The following PRKCB variants were observed in gnomAD, a reference collection of about 807,000 sequenced individuals.
The protein encoded by PRKCB is protein kinase C beta type.
A neutral mutation model predicts 81.5 loss-of-function variants in PRKCB; 13 were observed. The ratio of observed to expected loss-of-function variants is 0.16; its 90% CI spans 0.10 to 0.25. The LOEUF (loss-of-function observed/expected upper bound fraction) is 0.25. Among genes scored for constraint, PRKCB ranks in the 10% least tolerant of loss-of-function variants. The probability of loss-of-function intolerance (pLI) is 1.00; values close to 1 mark genes in which losing one functional copy is unlikely to be tolerated. For missense variants in PRKCB, 509 were observed against 875.7 expected (o/e 0.58, Z 5.29); for synonymous variants, 335 against 321.4 (o/e 1.04, Z -0.45).
intron 3 of PRKCB, among the ~76,000 whole-genome samples, chr16:24,019,995 G>A (rs933756510): frequency 1.3e-5 from 2 of 151,944 alleles, no homozygotes; most frequent in Admixed American, 1.3e-4. Flanking sequence ...TTTTACCTTC[G>A]TCCAACGTGA....
At chr16:24,026,164 A>G (rs1156386596) in intron 3 of PRKCB, among the ~76,000 whole-genome samples, 1 of 152,160 alleles carries the variant, frequency 6.6e-6, no homozygotes, top group East Asian at 1.9e-4. Context: ...GGCATATGGC[A>G]TGTGCCTTCA....
chr16:24,095,348 C>G (rs748379231), intron 7 of PRKCB, among the ~76,000 whole-genome samples: 1 of 152,040 alleles, frequency 6.6e-6, no homozygotes, highest in African/African-American at 2.4e-5. Context: ...GGAATGGGTG[C>G]TGCTGACTGG....
intron 2 of PRKCB, among the ~76,000 whole-genome samples, chr16:23,856,963 G>A (rs1022908778): frequency 1.3e-5 from 2 of 152,088 alleles, no homozygotes; most frequent in Non-Finnish European, 2.9e-5. Context: ...GGCTCTGGGG[G>A]CTCATGAACT....
chr16:24,118,511 A>G (rs372347492), intron 8 of PRKCB, among the ~76,000 whole-genome samples: 6 of 152,170 alleles, frequency 3.9e-5, no homozygotes, highest in South Asian at 2.1e-4. Context: ...GAGTGCCTGT[A>G]GTAGTTCCTT....
chr16:23,972,867 G>A (rs147551150), intron 2 of PRKCB, among the ~76,000 whole-genome samples: 107 of 152,282 alleles, frequency 7.0e-4, no homozygotes, highest in African/African-American at 2.1e-3. Context: ...CTGATTTAAT[G>A]GAGTTAACAG....
chr16:24,135,923 T>C (rs1596563937), intron 9 of PRKCB, among the ~76,000 whole-genome samples: 1 of 152,322 alleles, frequency 6.6e-6, no homozygotes, highest in East Asian at 1.9e-4. Flanking sequence ...CACAGATAGC[T>C]CAAAGTGTTT....
intron 13 of PRKCB, among the ~76,000 whole-genome samples, chr16:24,182,157 G>A (rs910986985): frequency 2.0e-5 from 3 of 152,038 alleles, no homozygotes; most frequent in Non-Finnish European, 4.4e-5. Flanking sequence ...TTCCTGATAG[G>A]CCAGGGGTTC....
At chr16:24,085,293 AC>A (rs2141895502) in intron 5 of PRKCB, among the ~76,000 whole-genome samples, 1 of 152,278 alleles carries the variant, frequency 6.6e-6, no homozygotes, top group East Asian at 1.9e-4. Context: ...AATGGATGAT[AC>A]GTTTGACTTC....
At chr16:23,912,085 G>T (rs148581791) in intron 2 of PRKCB, among the ~76,000 whole-genome samples, 4 of 151,904 alleles carry the variant, frequency 2.6e-5, no homozygotes, top group African/African-American at 9.7e-5. Flanking sequence ...ACCCACCTCC[G>T]CCTCCCAAAG....
chr16:24,043,627 C>T (rs1291408105), intron 5 of PRKCB, among the ~76,000 whole-genome samples: 1 of 152,100 alleles, frequency 6.6e-6, no homozygotes, highest in Admixed American at 6.6e-5. Context: ...GGATACTGGA[C>T]CTAAGGAGAT....
At chr16:24,152,684 G>A (rs1360489604) in intron 9 of PRKCB, among the ~76,000 whole-genome samples, 1 of 152,142 alleles carries the variant, frequency 6.6e-6, no homozygotes, top group African/African-American at 2.4e-5. Context: ...CATTGTTTCT[G>A]TGTTAGTAAG....
chr16:24,053,407 T>A (rs567047169), intron 5 of PRKCB, among the ~76,000 whole-genome samples: 2 of 152,214 alleles, frequency 1.3e-5, no homozygotes, highest in African/African-American at 4.8e-5. Flanking sequence ...AGTGTGCCAA[T>A]GAATGGGCAC....
chr16:24,109,175 C>T (rs1966632420), intron 7 of PRKCB, among the ~76,000 whole-genome samples: 1 of 130,250 alleles, frequency 7.7e-6, no homozygotes, highest in Non-Finnish European at 1.7e-5. Flanking sequence ...CCCCACCTCC[C>T]TCCCCGACGG....
rs770433090 is a variant in PRKCB at position 24,214,750 on chromosome 16, C to A, written c.1956C>A (p.Asp652Glu). ...ACCAGGAAGTCATCAGGAATATTGA[C>A]CAATCAGAATTCGAAGGATTTTCCT... ...PPDQEVIRNI[D>E]QSEFEGFSFV... The change falls in exon 17 of 17, where the codon GAC (aspartate) becomes GAA (glutamate). Residue 652 changes from aspartate (D) to glutamate (E), a missense_variant. Transcript: ENST00000643927. The A allele has an allele frequency of 2.5e-6, 4 of 1,614,182 alleles. No homozygotes were observed. In the South Asian group the frequency reaches 3.3e-5, roughly 13 times the overall value.
chr16:24,017,762 C>T (rs900808358), intron 3 of PRKCB, among the ~76,000 whole-genome samples: 1 of 152,158 alleles, frequency 6.6e-6, no homozygotes, highest in African/African-American at 2.4e-5. Context: ...CAGGATCTTG[C>T]TCTGTCACCC....
intron 5 of PRKCB, among the ~76,000 whole-genome samples, chr16:24,044,857 A>T (rs1965745417): frequency 6.6e-6 from 1 of 152,250 alleles, no homozygotes; most frequent in Admixed American, 6.5e-5. Flanking sequence ...GTTGCGTAAA[A>T]ATATATTTAG....
chr16:24,115,498 C>A (rs1966727319), intron 8 of PRKCB, among the ~76,000 whole-genome samples: 1 of 151,548 alleles, frequency 6.6e-6, no homozygotes, highest in African/African-American at 2.4e-5. Context: ...GTATCTATCC[C>A]AAGGATTTTA....
chr16:24,124,452 A>G (rs1966839097), intron 9 of PRKCB, among the ~76,000 whole-genome samples: 1 of 152,196 alleles, frequency 6.6e-6, no homozygotes, highest in South Asian at 2.1e-4. Context: ...CTCACAGTGC[A>G]GCGGGGAGCC....
chr16:24,176,357 G>C (rs1384069432), intron 12 of PRKCB, among the ~76,000 whole-genome samples: 2 of 152,154 alleles, frequency 1.3e-5, no homozygotes, highest in African/African-American at 2.4e-5. Flanking sequence ...AAACTGCAGT[G>C]AGCTATGATT....
Sources: allele counts gnomAD v4.1 joint callset (sites outside exome capture counted in the v4.1 genomes callset), GRCh38; gene constraint gnomAD v4.1.1; transcripts MANE v1.5; gene names NCBI Gene and HGNC (gene_info 2026-07-23, HGNC 2026-07-21).